The following FLT3 variants were observed in gnomAD, a reference collection of about 807,000 sequenced individuals.
FLT3 encodes the protein receptor-type tyrosine-protein kinase FLT3.
A neutral mutation model predicts 126.6 loss-of-function variants in FLT3; 46 were observed. The observed-to-expected ratio is 0.36, with a 90% CI of 0.29 to 0.46. The LOEUF (loss-of-function observed/expected upper bound fraction) is 0.46, where lower values mean the gene tolerates loss of function less well. FLT3 is among the 20% of genes least tolerant of loss of function. The pLI is 1.00. For synonymous variants in FLT3, 404 were observed against 434.4 expected, an observed-to-expected ratio of 0.93 and a Z score of 0.87; for missense variants, 1,069 against 1,190.3, an observed-to-expected ratio of 0.90 and a Z score of 1.50.
At chr13:28,044,541 T>C (rs954165549) in intron 9 of FLT3, among the ~76,000 whole-genome samples, 7 of 151,912 alleles carry the variant, frequency 4.6e-5, no homozygotes, top group Admixed American at 3.9e-4. Flanking sequence ...TAGAGCCTCA[T>C]GTGGAGAGAA....
chr13:28,009,283 G>A (rs931798938), intron 23 of FLT3: 1 of 152,032 alleles, frequency 6.6e-6, no homozygotes, highest in Non-Finnish European at 1.5e-5. Flanking sequence ...CACCCATATC[G>A]TTCTTACATT....
chr13:28,088,352 A>G (rs1878813214), intron 1 of FLT3, among the ~76,000 whole-genome samples: 2 of 151,960 alleles, frequency 1.3e-5, no homozygotes, highest in African/African-American at 4.8e-5. Flanking sequence ...CAGTGGCACA[A>G]TCTCAGCTCA....
rs146937994 is a variant in FLT3 at position 28,048,172 on chromosome 13, A to C, written c.1205+103T>G. 17 of 834,764 alleles carry C rather than the reference A, an allele frequency of 2.0e-5. No individual in the cohort carries two copies. The African/African-American group carries it at 2.9e-4, about 14-fold the overall frequency. 51.7% of individuals were successfully genotyped at this position (834,764 alleles called of 1,614,324 possible). ...TTTCAACTCAATAATAGTTAAACTC[A>C]TAAGTGAATTTGCTTCCATAAGTAT... On this transcript the variant is annotated intron_variant, in intron 9 of 23. Coordinates refer to ENST00000241453, the MANE Select transcript of FLT3 (RefSeq NM_004119.3).
chr13:28,016,034 G>A (rs192699006), intron 20 of FLT3, among the ~76,000 whole-genome samples: 1 of 152,202 alleles, frequency 6.6e-6, no homozygotes, highest in East Asian at 1.9e-4. Flanking sequence ...GGGTACTAGT[G>A]AATTAGTGAG....
In FLT3 at chr13:28,100,224, G is replaced by A. The variant is rs1434049441; in HGVS notation, c.43+244C>T. Among the ~76,000 whole-genome samples the A allele has an allele frequency of 6.6e-6, 1 of 152,096 alleles. No homozygotes were observed. The highest frequency in any genetic ancestry group is 2.4e-5 in the African/African-American group (1 of 41,440). On this transcript the variant is annotated intron_variant, in intron 1 of 23. Coordinates refer to ENST00000241453, the MANE Select transcript of FLT3 (RefSeq NM_004119.3). This position sits in a 1 kb window ranked among gnomAD's most constrained non-coding sequence, Gnocchi z 4.8. ...GGGCCGCCACTCGGGACCGCGGCCC[G>A]AGCCAGAGGAGAGACTTCGGAGAAG... is the stretch of plus-strand genomic sequence containing the variant.
intron 15 of FLT3, among the ~76,000 whole-genome samples, chr13:28,033,077 T>C (rs1873492405): frequency 6.6e-6 from 1 of 151,490 alleles, no homozygotes; most frequent in African/African-American, 2.4e-5. Context: ...CCCAGCACTT[T>C]AGGAGGCCAA....
intron 6 of FLT3, 108 bp downstream of exon 6, chr13:28,049,987 T>C: frequency 1.5e-6 from 2 of 1,294,404 alleles, no homozygotes; most frequent in Non-Finnish European, 2.2e-6. Flanking sequence ...CCTGAAGGAA[T>C]GATAGGATTT....
chr13:28,089,698 G>C (rs933901397), intron 1 of FLT3, among the ~76,000 whole-genome samples: 2 of 151,976 alleles, frequency 1.3e-5, no homozygotes, highest in African/African-American at 4.8e-5. Context: ...GAGGGGCTTG[G>C]GGTAGGGATC....
Position 28,023,232 on chromosome 13 carries a change from G to A in FLT3, c.2418+118C>T, listed in dbSNP as rs949975565. On this transcript the variant is annotated intron_variant, in intron 19 of 23. Transcript: ENST00000241453. ...TAACACGCTAGGTGACTCCAACAGTGAACAGGGGAGAAAAGGCAGACTTTA... is the reference window on the plus strand; with the variant it reads ...TAACACGCTAGGTGACTCCAACAGTAAACAGGGGAGAAAAGGCAGACTTTA... 8.6e-5 allele frequency: 90 copies of A among 1,046,058 alleles called. 1 individual carries two copies. The highest frequency in any genetic ancestry group is 5.0e-5 in the Non-Finnish European group (36 of 725,538). The allele number at this position is 1,046,058 out of a possible 1,614,324, so 64.8% of individuals were successfully genotyped here. A position where few individuals can be genotyped will look rare whatever the true frequency, so the allele number is the denominator to read the frequency against.
chr13:28,055,824 G>A (rs59079187), intron 4 of FLT3, among the ~76,000 whole-genome samples: 12,018 of 152,118 alleles, frequency 0.079, 1,577 homozygotes, highest in African/African-American at 0.27. Flanking sequence ...GAGAAGTAGA[G>A]AACAAGAAAC....
At chr13:28,068,634 T>G (rs1877240796) in intron 2 of FLT3, among the ~76,000 whole-genome samples, 1 of 152,182 alleles carries the variant, frequency 6.6e-6, no homozygotes, top group Non-Finnish European at 1.5e-5. Flanking sequence ...GGCACAATCT[T>G]GGCTCACTGC....
chr13:28,014,026 C>T (rs144227967), intron 23 of FLT3, among the ~76,000 whole-genome samples: 1 of 152,178 alleles, frequency 6.6e-6, no homozygotes, highest in East Asian at 1.9e-4. Context: ...GATCCCAGCA[C>T]TTTGGGAGGC....
At chr13:28,048,987 T>C (rs74496226) in intron 8 of FLT3, among the ~76,000 whole-genome samples, 5,789 of 152,302 alleles carry the variant, frequency 0.038, 364 homozygotes, top group African/African-American at 0.13. Context: ...TGTCTCTCAG[T>C]GCTCACTGCC....
rs144408476 is a variant in FLT3 at position 28,071,426 on chromosome 13, G to A, written c.44-814C>T. Among the ~76,000 whole-genome samples the A allele has an allele frequency of 2.7e-4, 41 of 152,108 alleles. No individual in the cohort carries two copies. The East Asian group carries it at 7.4e-3, about 27-fold the overall frequency. On this transcript the variant is annotated intron_variant, in intron 1 of 23. Coordinates refer to ENST00000241453, the MANE Select transcript of FLT3 (RefSeq NM_004119.3). ...AGTCTATTTTCATCCATTGTGCTGGGTACTCAGTGGGCCTTTTCAATCTAG... is the reference window on the plus strand; with the variant it reads ...AGTCTATTTTCATCCATTGTGCTGGATACTCAGTGGGCCTTTTCAATCTAG...
intron 17 of FLT3, 83 bp downstream of exon 17, chr13:28,027,005 C>G: frequency 8.3e-7 from 1 of 1,208,542 alleles, no homozygotes; most frequent in Non-Finnish European, 1.2e-6. Context: ...CCTTTAGAAA[C>G]TGGTCAACGA....
Position 28,015,219 on chromosome 13 carries a change from G to T in FLT3, c.2691C>A (p.Asn897Lys), listed in dbSNP as rs751366614. The change falls in exon 22 of 24, where the codon AAC (asparagine) becomes AAA (lysine). Residue 897 changes from asparagine to lysine, a missense_variant. Asn to Lys is a moderately conservative substitution (Grantham distance 94). Coordinates refer to ENST00000241453, the MANE Select transcript of FLT3 (RefSeq NM_004119.3). ...ATCCATTTTGAATCAGTTTGTAGAA[G>T]TTAGCATCAACCGGAATGCCAGGGT... ...NPYPGIPVDA[N>K]FYKLIQNGFK... is the part of the protein sequence containing the mutation. 1 of 1,612,704 alleles carries T rather than the reference G, an allele frequency of 6.2e-7. No individual in the cohort carries two copies. The highest frequency in any genetic ancestry group is 1.1e-5 in the South Asian group (1 of 90,992).
chr13:28,060,386 C>G (rs767564973), intron 3 of FLT3, among the ~76,000 whole-genome samples: 1 of 142,562 alleles, frequency 7.0e-6, no homozygotes, highest in Non-Finnish European at 1.5e-5. Context: ...CGTGCCACTG[C>G]ACTCCATCCT....
intron 3 of FLT3, among the ~76,000 whole-genome samples, chr13:28,061,481 C>T (rs920950056): frequency 6.6e-6 from 1 of 152,080 alleles, no homozygotes; most frequent in African/African-American, 2.4e-5. Context: ...AAAAACAGGC[C>T]GAGGCCAGGC....
chr13:28,003,962 CT>C lies in FLT3; in HGVS notation c.*89del. 6.8e-7 allele frequency: 1 copy of C among 1,462,750 alleles called. No homozygotes were observed. The highest frequency in any genetic ancestry group is 1.4e-5 in the African/African-American group (1 of 71,664). The allele number at this position is 1,462,750 out of a possible 1,614,324, so 90.6% of individuals were successfully genotyped here. On this transcript the variant is annotated 3_prime_UTR_variant, in exon 24 of 24. Coordinates refer to ENST00000241453, the MANE Select transcript of FLT3 (RefSeq NM_004119.3). The stretch of plus-strand genomic sequence containing the variant: ...GAAGCAGCAGTTGATAATAGATTTT[CT>C]TTTAGTGATGAAATTAATCTTGTTT...
Sources: gnomAD v4.1 joint callset for allele counts (sites outside exome capture counted in the v4.1 genomes callset) on GRCh38, gnomAD v4.1.1 for gene constraint, Gnocchi (gnomAD v3.1) non-coding constraint, MANE v1.5 for transcripts, NCBI Gene and HGNC (gene_info 2026-07-23, HGNC 2026-07-21) for gene names.